XRN1: variants seen among roughly 807,000 people sequenced by gnomAD.
XRN1 encodes the protein strand-exchange protein 1 homolog.
A neutral mutation model predicts 222.3 loss-of-function variants in XRN1; 67 were observed. The ratio of observed to expected loss-of-function variants is 0.30; its 90% CI spans 0.25 to 0.37. The LOEUF (loss-of-function observed/expected upper bound fraction) is 0.37. XRN1 is among the 10% of genes least tolerant of loss of function. XRN1 has a pLI of 1.00. For missense variants in XRN1, 1,707 were observed against 2,000.2 expected (o/e 0.85, Z 2.80); for synonymous variants, 643 against 652.4 (o/e 0.99, Z 0.22).
chr3:142,397,600 A>G (rs2067978301), intron 19 of XRN1, 140 bp from the exon 20 acceptor site: 1 of 517,860 alleles, frequency 1.9e-6, no homozygotes, highest in Admixed American at 4.2e-5. Flanking sequence ...GTAAATTACA[A>G]AACTATAATA....
intron 18 of XRN1, among the ~76,000 whole-genome samples, chr3:142,401,749 C>A (rs2068142780): frequency 6.6e-6 from 1 of 152,008 alleles, no homozygotes; most frequent in Non-Finnish European, 1.5e-5. Context: ...TGACCAAGGG[C>A]TTAATACTTG....
chr3:142,313,150 T>G (rs747916274), intron 39 of XRN1: 1 of 1,612,916 alleles, frequency 6.2e-7, no homozygotes, highest in Non-Finnish European at 8.5e-7. Flanking sequence ...CCCCAATGCA[T>G]AGTTGCTTCC....
chr3:142,445,166 C>T (rs914983914), intron 1 of XRN1, among the ~76,000 whole-genome samples: 1 of 151,936 alleles, frequency 6.6e-6, no homozygotes, highest in Non-Finnish European at 1.5e-5. Context: ...ATCATTTGCT[C>T]GTCTTGCTTC....
chr3:142,383,473 T>G, intron 21 of XRN1, 60 bp from the exon 22 acceptor site: 1 of 1,402,566 alleles, frequency 7.1e-7, no homozygotes, highest in Non-Finnish European at 9.9e-7. Flanking sequence ...GTATCAAGTT[T>G]TTTTCCTATG....
intron 1 of XRN1, among the ~76,000 whole-genome samples, chr3:142,442,999 C>T (rs2070306011): frequency 6.6e-6 from 1 of 152,200 alleles, no homozygotes; most frequent in South Asian, 2.1e-4. Flanking sequence ...TCCCAAAGTG[C>T]TGGGATTACA....
chr3:142,443,892 C>T (rs1178512369), intron 1 of XRN1, among the ~76,000 whole-genome samples: 1 of 152,216 alleles, frequency 6.6e-6, no homozygotes, highest in African/African-American at 2.4e-5. Context: ...GAGTACTATT[C>T]AGCCACAAGA....
At chr3:142,368,989 G>T (rs1279036348) in intron 27 of XRN1, among the ~76,000 whole-genome samples, 1 of 152,124 alleles carries the variant, frequency 6.6e-6, no homozygotes, top group Admixed American at 6.5e-5. Flanking sequence ...TACCAATGAG[G>T]AAACAGAGGT....
At chr3:142,382,203 T>C (rs1266833125) in intron 22 of XRN1, among the ~76,000 whole-genome samples, 1 of 152,120 alleles carries the variant, frequency 6.6e-6, no homozygotes, top group East Asian at 1.9e-4. Flanking sequence ...TCTAAGACCA[T>C]GCAAATATCC....
chr3:142,384,017 T>A (rs954349415), intron 21 of XRN1, among the ~76,000 whole-genome samples: 4 of 152,004 alleles, frequency 2.6e-5, no homozygotes, highest in Non-Finnish European at 5.9e-5. Flanking sequence ...ACGCCTGTAA[T>A]CTCAGCACTT....
At position 142,370,494 on chromosome 3, in the gene XRN1, T is replaced by C. The variant is rs150317070; in HGVS notation, c.3195A>G (p.Glu1065=). Reference sequence around the variant, plus strand: ...TACTGAAAGTTAGTACCTTGCACTTTTCGACTTCTTCCTCAATTTTCTCAA... The same window carrying C: ...TACTGAAAGTTAGTACCTTGCACTTCTCGACTTCTTCCTCAATTTTCTCAA... The part of the protein sequence containing the change: ...AIVEKIEEEV[E]KCKQRKNNKK... The change falls in exon 27 of 41, where the codon GAA becomes GAG. Residue 1065 remains glutamate, a synonymous_variant. Transcript: ENST00000392981. 391 of 1,605,226 alleles carry C rather than the reference T, an allele frequency of 2.4e-4. No homozygotes were observed. Among genetic ancestry groups the C allele is most frequent in the Non-Finnish European group, 3.2e-4 (374 of 1,177,350 alleles).
At chr3:142,344,494 T>C (rs1036854143) in intron 33 of XRN1, among the ~76,000 whole-genome samples, 1 of 152,252 alleles carries the variant, frequency 6.6e-6, no homozygotes, top group South Asian at 2.1e-4. Context: ...ATAAAAGGCA[T>C]TGAGATTATA....
intron 15 of XRN1, chr3:142,407,630 A>C (rs1015371542): frequency 1.3e-5 from 2 of 152,160 alleles, no homozygotes; most frequent in Non-Finnish European, 2.9e-5. Context: ...TGCCCGGCCT[A>C]CTTTTTTGTT....
chr3:142,432,587 A>C (rs1158507125), intron 2 of XRN1, 74 bp downstream of exon 2: 1 of 1,304,338 alleles, frequency 7.7e-7, no homozygotes, highest in African/African-American at 1.5e-5. Context: ...AGATTGTGTT[A>C]AATCAATTAT....
At chr3:142,413,745 T>C (rs1008630884) in intron 14 of XRN1, among the ~76,000 whole-genome samples, 2 of 152,182 alleles carry the variant, frequency 1.3e-5, no homozygotes, top group Admixed American at 1.3e-4. Context: ...TTGGGATAAA[T>C]GACTTATTAG....
chr3:142,381,231 C>G (rs1487469606), intron 22 of XRN1, among the ~76,000 whole-genome samples: 15 of 152,066 alleles, frequency 9.9e-5, no homozygotes, highest in Non-Finnish European at 2.2e-4. Flanking sequence ...TCTTTCTGAA[C>G]CCCTTGAGTA....
At chr3:142,372,187 A>G (rs964275071) in intron 25 of XRN1, among the ~76,000 whole-genome samples, 3 of 152,178 alleles carry the variant, frequency 2.0e-5, no homozygotes, top group Non-Finnish European at 4.4e-5. Flanking sequence ...GAGGTCAAAT[A>G]GATACTCTAG....
In XRN1 at chr3:142,359,944, G is replaced by C; in HGVS notation, c.3395-13C>G. 1 of 1,564,258 alleles carries C rather than the reference G, an allele frequency of 6.4e-7. No homozygotes were observed. Among genetic ancestry groups the C allele is most frequent in the Non-Finnish European group, 8.7e-7 (1 of 1,152,422 alleles). Reference sequence around the variant, plus strand: ...GCTTCTCTATTAGCTGTTACAATAGGGAGAGAAAAAGAGACACTAAAAAAT... The same window carrying C: ...GCTTCTCTATTAGCTGTTACAATAGCGAGAGAAAAAGAGACACTAAAAAAT... On this transcript the variant is annotated splice_polypyrimidine_tract_variant and intron_variant, in intron 29 of 40. Coordinates refer to ENST00000392981, the MANE Select transcript of XRN1 (RefSeq NM_001282857.2).
rs2065072499 is a variant in XRN1, at chr3:142,311,451, A to G, written c.*60T>C. 1.4e-6 allele frequency: 2 copies of G among 1,389,124 alleles called. No homozygotes were observed. The highest frequency in any genetic ancestry group is 2.9e-5 in the African/African-American group (2 of 69,148). The allele number at this position is 1,389,124 out of a possible 1,614,324, so 86.0% of individuals were successfully genotyped here. A position where few individuals can be genotyped will look rare whatever the true frequency, so the allele number is the denominator to read the frequency against. On this transcript the variant is annotated 3_prime_UTR_variant, in exon 41 of 41. Transcript: ENST00000392981. ...ATTCTAATTTTTATGAGACATAGAT[A>G]TGTATTTATAAAAAGGTAGATGGAA...
intron 34 of XRN1, among the ~76,000 whole-genome samples, chr3:142,334,404 T>C (rs1429956293): frequency 6.6e-6 from 1 of 151,904 alleles, no homozygotes; most frequent in Non-Finnish European, 1.5e-5. Context: ...TAAAATATGA[T>C]AGGCATACAG....
Sources: gnomAD v4.1 joint callset for allele counts (sites outside exome capture counted in the v4.1 genomes callset) on GRCh38, gnomAD v4.1.1 for gene constraint, MANE v1.5 for transcripts, NCBI Gene and HGNC (gene_info 2026-07-23, HGNC 2026-07-21) for gene names.